Variants in SAE1 observed in about 807,000 individuals in gnomAD.
SAE1 encodes the protein SUMO1 activating enzyme subunit 1.
Under a neutral mutation model 40.6 loss-of-function variants are expected in SAE1, and 11 were observed. The ratio of observed to expected loss-of-function variants is 0.27; its 90% CI spans 0.17 to 0.45. SAE1 has a LOEUF of 0.45. SAE1 is among the 20% of genes least tolerant of loss of function. The probability of loss-of-function intolerance (pLI) is 1.00; values close to 1 mark genes in which losing one functional copy is unlikely to be tolerated. For missense variants in SAE1, 373 were observed against 427.3 expected (o/e 0.87, Z 1.12); for synonymous variants, 155 against 154.3 (o/e 1.00, Z -0.03).
Position 47,210,578 on chromosome 19 carries a change from G to A in SAE1, c.*1327G>A, listed in dbSNP as rs1407170564. On this transcript the variant is annotated 3_prime_UTR_variant, in exon 9 of 9. Coordinates refer to ENST00000270225, the MANE Select transcript of SAE1 (RefSeq NM_005500.3). Reference sequence around the variant, plus strand: ...TCCAGTTCACCCCACTCTTGCTTGTGTTTCTTCTTTATGTAAATTGTGTGA... The same window carrying A: ...TCCAGTTCACCCCACTCTTGCTTGTATTTCTTCTTTATGTAAATTGTGTGA... The A allele has an allele frequency of 6.6e-6, 1 of 152,166 alleles. No homozygotes were observed. Among genetic ancestry groups the A allele is most frequent in the Non-Finnish European group, 1.5e-5 (1 of 68,034 alleles). The allele number at this position is 152,166 out of a possible 1,614,324, so 9.4% of individuals were successfully genotyped here.
At chr19:47,170,172 G>C (rs565870945) in intron 6 of SAE1, among the ~76,000 whole-genome samples, 1 of 152,192 alleles carries the variant, frequency 6.6e-6, no homozygotes, top group South Asian at 2.1e-4. Context: ...TGACCTTATG[G>C]TAATAGTGTT....
At chr19:47,132,264 G>GT (rs573334320) in intron 1 of SAE1, among the ~76,000 whole-genome samples, 342 of 140,494 alleles carry the variant, frequency 2.4e-3, no homozygotes, top group Middle Eastern at 3.9e-3. Context: ...TGCCCAGCTT[G>GT]TTTTTTTTTT....
At chr19:47,151,538 C>A (rs962919347) in intron 3 of SAE1, among the ~76,000 whole-genome samples, 1 of 152,054 alleles carries the variant, frequency 6.6e-6, no homozygotes, top group Non-Finnish European at 1.5e-5. Flanking sequence ...GTGGCATGAT[C>A]TTGGCTCACT....
At position 47,209,297 on chromosome 19, in the gene SAE1, C is replaced by G; in HGVS notation, c.*46C>G. On this transcript the variant is annotated 3_prime_UTR_variant, in exon 9 of 9. Transcript: ENST00000270225. ...AGAGATGCCAACTGCAGCATGCCCA[C>G]CTGTATTCCCTGTCCCCTTCCTTCA... The G allele has an allele frequency of 6.2e-7, 1 of 1,613,994 alleles. No individual in the cohort carries two copies. The highest frequency in any genetic ancestry group is 8.5e-7 in the Non-Finnish European group (1 of 1,179,946).
At chr19:47,168,920 A>G (rs2058413527) in intron 5 of SAE1, among the ~76,000 whole-genome samples, 1 of 152,152 alleles carries the variant, frequency 6.6e-6, no homozygotes, top group Non-Finnish European at 1.5e-5. Context: ...ATGGTATTTC[A>G]AAGTAAAATA....
intron 6 of SAE1, among the ~76,000 whole-genome samples, chr19:47,189,865 A>G (rs2058568710): frequency 1.3e-5 from 2 of 152,210 alleles, no homozygotes; most frequent in Admixed American, 1.3e-4. Flanking sequence ...ATAGAAGTTT[A>G]TGTAACAAAC....
intron 5 of SAE1, among the ~76,000 whole-genome samples, chr19:47,158,470 C>T (rs1013573670): frequency 6.6e-6 from 1 of 152,052 alleles, no homozygotes; most frequent in Admixed American, 6.6e-5. Context: ...CATGCAGGAG[C>T]CAGAGGAGAC....
At chr19:47,142,136 C>A (rs1307462981) in intron 1 of SAE1, among the ~76,000 whole-genome samples, 1 of 152,128 alleles carries the variant, frequency 6.6e-6, no homozygotes, top group African/African-American at 2.4e-5. Flanking sequence ...GTAATCCCAG[C>A]ACTTTGGGAG....
At position 47,199,432 on chromosome 19, in the gene SAE1, G is replaced by A. The variant is rs1326762854; in HGVS notation, c.878+2055G>A. ...AAAAAAAGGCAGCAATAGAGTGGCA[G>A]TGCCTGAGCACACGAGACTGAGACA... On this transcript the variant is annotated intron_variant, in intron 7 of 8. Coordinates refer to ENST00000270225, the MANE Select transcript of SAE1 (RefSeq NM_005500.3). Among the ~76,000 whole-genome samples the A allele has an allele frequency of 5.3e-5, 8 of 150,218 alleles. No individual in the cohort carries two copies. The East Asian group carries it at 1.6e-3, about 29-fold the overall frequency.
Position 47,152,968 on chromosome 19 carries a change from A to G in SAE1, c.455A>G (p.Lys152Arg). 6.2e-7 allele frequency: 1 copy of G among 1,613,074 alleles called. No homozygotes were observed. Among genetic ancestry groups the G allele is most frequent in the South Asian group, 1.1e-5 (1 of 91,022 alleles). Residue 152 changes from lysine to arginine, a missense_variant, in exon 4 of 9, where the codon AAG (lysine) becomes AGG (arginine). This residue lies in a region of SAE1 where 351 missense variants were observed against 390.6 expected (regional missense o/e 0.90). Coordinates refer to ENST00000270225, the MANE Select transcript of SAE1 (RefSeq NM_005500.3). ...CAGATCTGTCACAAAAATAGCATCA[A>G]GTTCTTTACAGGAGATGTTTTTGGC... Reference protein sequence around the residue: ...VDQICHKNSIKFFTGDVFGYH... With the variant: ...VDQICHKNSIRFFTGDVFGYH...
chr19:47,170,070 T>G (rs1160484089), intron 6 of SAE1, 147 bp downstream of exon 6: 2 of 650,538 alleles, frequency 3.1e-6, no homozygotes, highest in Non-Finnish European at 5.6e-6. Flanking sequence ...GAGAAAGGGG[T>G]GGTCACTTGA....
intron 6 of SAE1, among the ~76,000 whole-genome samples, chr19:47,189,742 G>C (rs1358322977): frequency 6.6e-6 from 1 of 152,106 alleles, no homozygotes; most frequent in East Asian, 1.9e-4. Context: ...AACTGTTTTT[G>C]GGGGCCAGCA....
Position 47,204,316 on chromosome 19 carries a change from G to A in SAE1, c.948+576G>A, listed in dbSNP as rs143302961. On this transcript the variant is annotated intron_variant, in intron 8 of 8. Transcript: ENST00000270225. ...GGGTTCACGCCATTCTCCTACCTTAGCCTTCCAAGTAGCTGGGACTACAGG... is the reference window on the plus strand; with the variant it reads ...GGGTTCACGCCATTCTCCTACCTTAACCTTCCAAGTAGCTGGGACTACAGG... 2.0e-4 allele frequency among the ~76,000 whole-genome samples: 29 copies of A among 145,434 alleles called. No homozygotes were observed. The East Asian group carries it at 6.0e-3, about 30-fold the overall frequency.
At chr19:47,132,584 T>C (rs1190703937) in intron 1 of SAE1, among the ~76,000 whole-genome samples, 1 of 151,792 alleles carries the variant, frequency 6.6e-6, no homozygotes, top group East Asian at 1.9e-4. Context: ...GCCTCATTGA[T>C]CAATATTTTT....
At chr19:47,202,176 G>T (rs1379807223) in intron 7 of SAE1, among the ~76,000 whole-genome samples, 1 of 152,152 alleles carries the variant, frequency 6.6e-6, no homozygotes, top group Non-Finnish European at 1.5e-5. Context: ...TTCGACGCCT[G>T]TGTCTTTGTC....
intron 1 of SAE1, among the ~76,000 whole-genome samples, chr19:47,135,318 C>T (rs1422809615): frequency 6.6e-6 from 1 of 152,026 alleles, no homozygotes; most frequent in Non-Finnish European, 1.5e-5. Context: ...CCCTCCTTCC[C>T]CTCCACCCCC....
chr19:47,146,865 G>A (rs1334634233), intron 2 of SAE1, among the ~76,000 whole-genome samples: 2 of 152,130 alleles, frequency 1.3e-5, no homozygotes, highest in African/African-American at 2.4e-5. Context: ...GCACACAGAA[G>A]CAGGCAGACA....
At chr19:47,155,577 C>T (rs1044869087) in intron 5 of SAE1, among the ~76,000 whole-genome samples, 1 of 152,004 alleles carries the variant, frequency 6.6e-6, no homozygotes, top group African/African-American at 2.4e-5. Flanking sequence ...TCTCCTGCCT[C>T]ATCCTCCCAA....
intron 2 of SAE1, among the ~76,000 whole-genome samples, chr19:47,145,542 GCT>G (rs2058250571): frequency 1.3e-5 from 2 of 152,038 alleles, no homozygotes; most frequent in Admixed American, 1.3e-4. Flanking sequence ...AATAAGTGCT[GCT>G]CTCTCTACAT....
Sources: allele counts gnomAD v4.1 joint callset (sites outside exome capture counted in the v4.1 genomes callset), GRCh38; gene constraint gnomAD v4.1.1; regional missense constraint gnomAD v4.1.1; transcripts MANE v1.5; gene names NCBI Gene and HGNC (gene_info 2026-07-23, HGNC 2026-07-21).